Variants in KIF18A observed in about 807,000 individuals in gnomAD.
The protein encoded by KIF18A is kinesin-like protein KIF18A.
In KIF18A, 67 loss-of-function variants were observed where a neutral mutation model predicts 103.3. That is an observed-to-expected ratio of 0.65 (90% confidence interval 0.53 to 0.79). KIF18A has a LOEUF of 0.79. Ranked by LOEUF, KIF18A falls within the 30% of genes least tolerant of loss-of-function variation. The pLI is 0.00. For missense variants in KIF18A, 1,032 were observed against 1,062.5 expected (o/e 0.97, Z 0.40); for synonymous variants, 367 against 355.5 (o/e 1.03, Z -0.36).
intron 9 of KIF18A, among the ~76,000 whole-genome samples, chr11:28,077,640 A>G (rs2133547638): frequency 6.6e-6 from 1 of 152,298 alleles, no homozygotes; most frequent in East Asian, 1.9e-4. Flanking sequence ...AGGAGGCATA[A>G]TCATATGGTG....
chr11:28,093,459 TTA>T (rs1851329130), intron 3 of KIF18A, among the ~76,000 whole-genome samples: 2 of 152,106 alleles, frequency 1.3e-5, no homozygotes, highest in South Asian at 2.1e-4. Context: ...ATCAGGGTTT[TTA>T]TGTTTCTGCA....
intron 13 of KIF18A, among the ~76,000 whole-genome samples, chr11:28,036,931 T>C (rs1055135659): frequency 4.0e-5 from 6 of 151,530 alleles, no homozygotes; most frequent in Non-Finnish European, 8.9e-5. Flanking sequence ...TCTTGAGATA[T>C]TGGGTAATTA....
chr11:28,068,083 A>G (rs921127890), intron 11 of KIF18A, among the ~76,000 whole-genome samples: 1 of 152,190 alleles, frequency 6.6e-6, no homozygotes, highest in Admixed American at 6.6e-5. Context: ...ATGCAATACT[A>G]TGCAGCCATA....
At chr11:28,096,480 G>C (rs1851375230) in intron 2 of KIF18A, among the ~76,000 whole-genome samples, 1 of 152,224 alleles carries the variant, frequency 6.6e-6, no homozygotes, top group South Asian at 2.1e-4. Flanking sequence ...CTTAAAGACA[G>C]GGTAAGAATA....
At chr11:28,031,687 AAAC>A (rs1236607252) in intron 15 of KIF18A, among the ~76,000 whole-genome samples, 2 of 152,060 alleles carry the variant, frequency 1.3e-5, no homozygotes, top group East Asian at 3.9e-4. Context: ...TAAAAAAAAA[AAAC>A]AACTCTCAAA....
chr11:28,036,795 TAA>T (rs1450407664), intron 13 of KIF18A, 131 bp from the exon 14 acceptor site: 8 of 546,316 alleles, frequency 1.5e-5, no homozygotes, highest in East Asian at 1.2e-4. Flanking sequence ...CTGAAAAATA[TAA>T]GTTGGAAAGG....
At chr11:28,022,559 G>A (rs1429120666) in intron 16 of KIF18A, among the ~76,000 whole-genome samples, 5 of 152,124 alleles carry the variant, frequency 3.3e-5, no homozygotes, top group Admixed American at 1.3e-4. Flanking sequence ...GAGCCACGGC[G>A]CCCGGCCAAT....
At chr11:28,100,458 A>T (rs911000196) in intron 1 of KIF18A, among the ~76,000 whole-genome samples, 16 of 151,126 alleles carry the variant, frequency 1.1e-4, no homozygotes, top group Non-Finnish European at 1.3e-4. Context: ...CGAGAAAAGC[A>T]ATTTTGGGGC....
At chr11:28,095,843 C>T (rs779476363) in intron 2 of KIF18A, among the ~76,000 whole-genome samples, 5 of 150,740 alleles carry the variant, frequency 3.3e-5, no homozygotes, top group Admixed American at 1.3e-4. Context: ...GACCCTGTAT[C>T]CACAAAAATT....
intron 13 of KIF18A, among the ~76,000 whole-genome samples, chr11:28,048,421 T>G (rs1285741012): frequency 6.6e-6 from 1 of 152,050 alleles, no homozygotes; most frequent in Admixed American, 6.6e-5. Context: ...AAAAATGACT[T>G]AAATTCATAT....
intron 6 of KIF18A, among the ~76,000 whole-genome samples, 182 bp downstream of exon 6, chr11:28,088,342 G>A (rs1851258231): frequency 6.6e-6 from 1 of 151,958 alleles, no homozygotes; most frequent in African/African-American, 2.4e-5. Context: ...AATTAAAAAA[G>A]AAATAAAAAT....
At chr11:28,084,587 A>G in intron 7 of KIF18A, 45 bp downstream of exon 7, 1 of 1,397,596 alleles carries the variant, frequency 7.2e-7, no homozygotes, top group East Asian at 2.3e-5. Flanking sequence ...TAAAAATCAT[A>G]TGCAGACAAT....
At chr11:28,049,966 A>T (rs1850691877) in intron 13 of KIF18A, among the ~76,000 whole-genome samples, 1 of 151,994 alleles carries the variant, frequency 6.6e-6, no homozygotes, top group African/African-American at 2.4e-5. Context: ...ACTAATAAAC[A>T]TTTTATAATA....
intron 13 of KIF18A, among the ~76,000 whole-genome samples, chr11:28,053,562 G>A (rs1275079578): frequency 6.6e-6 from 1 of 151,958 alleles, no homozygotes; most frequent in Non-Finnish European, 1.5e-5. Context: ...GTGCAGGTTA[G>A]TTACATATGT....
At chr11:28,028,209 A>G (rs890915048) in intron 15 of KIF18A, among the ~76,000 whole-genome samples, 1 of 152,114 alleles carries the variant, frequency 6.6e-6, no homozygotes, top group South Asian at 2.1e-4. Flanking sequence ...CTCCACCCAC[A>G]ATCAACAGAA....
At chr11:28,089,472 C>T (rs746190569) in intron 5 of KIF18A, among the ~76,000 whole-genome samples, 2 of 152,128 alleles carry the variant, frequency 1.3e-5, no homozygotes, top group Non-Finnish European at 2.9e-5. Flanking sequence ...ATGTACTGTA[C>T]ATAATTGTAT....
At chr11:28,032,566 T>C (rs993771775) in intron 15 of KIF18A, among the ~76,000 whole-genome samples, 6 of 151,790 alleles carry the variant, frequency 4.0e-5, no homozygotes, top group African/African-American at 1.2e-4. Flanking sequence ...TAAATCTACA[T>C]ATTTACAATA....
chr11:28,094,936 T>C (rs1036428331), intron 2 of KIF18A, 136 bp from the exon 3 acceptor site: 4 of 789,946 alleles, frequency 5.1e-6, no homozygotes, highest in Non-Finnish European at 8.3e-6. Flanking sequence ...TATAGTCTTA[T>C]CCTTAAAACC....
intron 13 of KIF18A, among the ~76,000 whole-genome samples, chr11:28,038,981 G>C (rs986251831): frequency 6.6e-6 from 1 of 151,668 alleles, no homozygotes; most frequent in Non-Finnish European, 1.5e-5. Context: ...AGGCAGCAGG[G>C]GTATAGGGGA....
Sources: allele counts gnomAD v4.1 joint callset (sites outside exome capture counted in the v4.1 genomes callset), GRCh38; gene constraint gnomAD v4.1.1; transcripts MANE v1.5; gene names NCBI Gene and HGNC (gene_info 2026-07-23, HGNC 2026-07-21).